The following NUP93 variants were observed in gnomAD, a reference collection of about 807,000 sequenced individuals.
NUP93 encodes nuclear pore complex protein Nup93.
In NUP93, 55 loss-of-function variants were observed where a neutral mutation model predicts 107.8. The ratio of observed to expected loss-of-function variants is 0.51; its 90% CI spans 0.41 to 0.64. NUP93 has a LOEUF of 0.64. Ranked by LOEUF, NUP93 falls within the 30% of genes least tolerant of loss-of-function variation. The pLI, the probability that NUP93 is intolerant of heterozygous loss-of-function variation, is 0.00. For synonymous variants in NUP93, 390 were observed against 397.5 expected, an observed-to-expected ratio of 0.98 and a Z score of 0.22; for missense variants, 937 against 1,044.7, an observed-to-expected ratio of 0.90 and a Z score of 1.42.
At position 56,813,668 on chromosome 16, in the gene NUP93, G is replaced by C. The variant is rs542115364; in HGVS notation, c.490-4996G>C. Among the ~76,000 whole-genome samples, 4 of 152,226 alleles carry C rather than the reference G, an allele frequency of 2.6e-5. No individual in the cohort carries two copies. In the East Asian group the frequency reaches 5.8e-4, roughly 22 times the overall value. ...CCTGTCAGTGGTGTATACCCTTCCA[G>C]TTTCTCCCAGGGGCTTACATGCACA... On this transcript the variant is annotated intron_variant, in intron 5 of 21. Transcript: ENST00000308159.
intron 5 of NUP93, among the ~76,000 whole-genome samples, chr16:56,814,943 G>A (rs760947333): frequency 2.0e-5 from 3 of 152,176 alleles, no homozygotes; most frequent in Non-Finnish European, 2.9e-5. Flanking sequence ...CGGTTCCTCT[G>A]TTCAGGAATG....
intron 21 of NUP93, 67 bp downstream of exon 21, chr16:56,841,900 T>C: frequency 6.3e-7 from 1 of 1,586,778 alleles, no homozygotes; most frequent in Non-Finnish European, 8.6e-7. Context: ...TCCGTTGCGC[T>C]CTTATGAGAC....
At chr16:56,772,735 T>A (rs895943665) in intron 3 of NUP93, among the ~76,000 whole-genome samples, 1 of 152,276 alleles carries the variant, frequency 6.6e-6, no homozygotes, top group Non-Finnish European at 1.5e-5. Context: ...AGTTTGCTCA[T>A]GTTCTGCTCT....
At chr16:56,838,211 C>T (rs1411528274) in intron 18 of NUP93, among the ~76,000 whole-genome samples, 4 of 152,168 alleles carry the variant, frequency 2.6e-5, no homozygotes, top group Admixed American at 1.3e-4. Flanking sequence ...TTACTTTTTG[C>T]GCTCTCTGTA....
intron 8 of NUP93, among the ~76,000 whole-genome samples, chr16:56,828,195 A>G (rs976730974): frequency 9.9e-5 from 3 of 30,352 alleles, no homozygotes; most frequent in African/African-American, 1.4e-4. Flanking sequence ...CCTGCCTCTT[A>G]AAAAAAAAAA....
chr16:56,846,739 T>A lies in NUP93; in HGVS notation c.*2130T>A, dbSNP rs747822689. The A allele has an allele frequency of 6.6e-5, 10 of 152,190 alleles. No homozygotes were observed. Among genetic ancestry groups the A allele is most frequent in the Non-Finnish European group, 1.5e-4 (10 of 68,042 alleles). 9.4% of individuals were successfully genotyped at this position (152,190 alleles called of 1,614,324 possible). A position where few individuals can be genotyped will look rare whatever the true frequency, so the allele number is the denominator to read the frequency against. On this transcript the variant is annotated 3_prime_UTR_variant, in exon 22 of 22. Transcript: ENST00000308159. The stretch of plus-strand genomic sequence containing the variant: ...ATAAAAATAAGAGTACTCTGTGGAC[T>A]TTTCATAAAGTGCAACTTAGTGCTT...
chr16:56,838,365 G>A (rs189087301), intron 18 of NUP93, among the ~76,000 whole-genome samples: 26 of 152,170 alleles, frequency 1.7e-4, no homozygotes, highest in African/African-American at 4.8e-4. Flanking sequence ...TGCCCATCAC[G>A]ACCTCCCACC....
intron 1 of NUP93, among the ~76,000 whole-genome samples, chr16:56,733,439 T>A (rs776840407): frequency 1.8e-4 from 28 of 151,998 alleles, no homozygotes; most frequent in Admixed American, 8.5e-4. Flanking sequence ...GAGCTTGAGA[T>A]TGGCTGAGTG....
chr16:56,800,109 G>A (rs1962988738), intron 4 of NUP93, among the ~76,000 whole-genome samples: 4 of 152,174 alleles, frequency 2.6e-5, no homozygotes, highest in Non-Finnish European at 5.9e-5. Context: ...CTTGAACCTA[G>A]GAGGCAGAGG....
intron 10 of NUP93, 147 bp downstream of exon 10, chr16:56,830,832 T>C (rs1263373398): frequency 9.0e-6 from 6 of 666,970 alleles, no homozygotes; most frequent in Non-Finnish European, 1.4e-5. Context: ...AATAGAACTC[T>C]CTTGGGAATA....
At position 56,839,581 on chromosome 16, in the gene NUP93, G is replaced by A. The variant is rs1489822659; in HGVS notation, c.2197G>A (p.Ala733Thr). 6.8e-6 allele frequency: 11 copies of A among 1,613,972 alleles called. No individual in the cohort carries two copies. The highest frequency in any genetic ancestry group is 4.4e-5 in the South Asian group (4 of 91,060). Residue 733 changes from alanine (A) to threonine (T), a missense_variant, in exon 20 of 22, where the codon GCC (alanine) becomes ACC (threonine). Coordinates refer to ENST00000308159, the MANE Select transcript of NUP93 (RefSeq NM_014669.5). Reference sequence around the variant, plus strand: ...GGAAAGTGTGGAAGAGAGAGTGGCTGCCTTCAGAAATTTCAGTGATGAAGT... The same window carrying A: ...GGAAAGTGTGGAAGAGAGAGTGGCTACCTTCAGAAATTTCAGTGATGAAGT... ...NQESVEERVA[A>T]FRNFSDEIRH...
At position 56,821,982 on chromosome 16, in the gene NUP93, C is replaced by T. The variant is rs1272995947; in HGVS notation, c.654+389C>T. Among the ~76,000 whole-genome samples, 15 of 149,388 alleles carry T rather than the reference C, an allele frequency of 1.0e-4. No individual in the cohort carries two copies. The Admixed American group carries it at 1.0e-3, about 10-fold the overall frequency. On this transcript the variant is annotated intron_variant, in intron 7 of 21. Coordinates refer to ENST00000308159, the MANE Select transcript of NUP93 (RefSeq NM_014669.5). ...GCCCTCGAACTTGACTCGGTGGGGC[C>T]TTTGTGAGCATTCTTTATATACCAC... is the stretch of plus-strand genomic sequence containing the variant.
chr16:56,784,898 A>G (rs1450237064), intron 3 of NUP93, among the ~76,000 whole-genome samples: 3 of 152,178 alleles, frequency 2.0e-5, no homozygotes, highest in Non-Finnish European at 2.9e-5. Context: ...TAGGGAGACA[A>G]TGATTTTCTT....
At position 56,749,269 on chromosome 16, in the gene NUP93, A is replaced by G. The variant is rs186354949; in HGVS notation, c.179+843A>G. ...TTTACTGTGTGTTACAAGCTTGGCT[A>G]GACGTGAGATTTTGCTTAATTTTCA... On this transcript the variant is annotated intron_variant, in intron 2 of 21. Coordinates refer to ENST00000308159, the MANE Select transcript of NUP93 (RefSeq NM_014669.5). 3.9e-4 allele frequency among the ~76,000 whole-genome samples: 60 copies of G among 152,362 alleles called. 1 individual carries two copies. The highest frequency in any genetic ancestry group is 1.4e-3 in the African/African-American group (57 of 41,586).
intron 5 of NUP93, among the ~76,000 whole-genome samples, chr16:56,809,977 A>G (rs577738308): frequency 9.2e-5 from 14 of 152,328 alleles, no homozygotes; most frequent in African/African-American, 3.4e-4. Context: ...GGTTTTATAA[A>G]CTTCACTTTT....
intron 3 of NUP93, among the ~76,000 whole-genome samples, chr16:56,767,592 G>A (rs887682625): frequency 6.6e-6 from 1 of 152,116 alleles, no homozygotes; most frequent in African/African-American, 2.4e-5. Context: ...ATTTTAAAAT[G>A]CTGTTGCTAT....
At chr16:56,770,776 C>T (rs1006772652) in intron 3 of NUP93, among the ~76,000 whole-genome samples, 2 of 151,966 alleles carry the variant, frequency 1.3e-5, no homozygotes, top group African/African-American at 4.8e-5. Context: ...AAAAGTGGCC[C>T]TCATAGGCCG....
chr16:56,808,610 A>G (rs1361950470), intron 5 of NUP93, among the ~76,000 whole-genome samples: 1 of 133,916 alleles, frequency 7.5e-6, no homozygotes, highest in Non-Finnish European at 1.5e-5. Flanking sequence ...ACATTTATAT[A>G]AATATTTATA....
chr16:56,834,841 A>T, intron 16 of NUP93, 63 bp downstream of exon 16: 1 of 1,278,040 alleles, frequency 7.8e-7, no homozygotes, highest in Admixed American at 1.9e-5. Context: ...AATATCAAAA[A>T]ATACACTTAG....
Sources: gnomAD v4.1 joint callset for allele counts (sites outside exome capture counted in the v4.1 genomes callset) on GRCh38, gnomAD v4.1.1 for gene constraint, MANE v1.5 for transcripts, NCBI Gene and HGNC (gene_info 2026-07-23, HGNC 2026-07-21) for gene names.